ELAPOR2: variants seen among roughly 807,000 people sequenced by gnomAD.
ELAPOR2 encodes the protein endosome-lysosome associated apoptosis and autophagy regulator family member 2.
A neutral mutation model predicts 120.7 loss-of-function variants in ELAPOR2; 89 were observed. The observed-to-expected ratio is 0.74, with a 90% CI of 0.62 to 0.88. ELAPOR2 has a LOEUF of 0.88. Ranked by LOEUF, ELAPOR2 falls within the 40% of genes least tolerant of loss-of-function variation. ELAPOR2 has a pLI of 0.00. For synonymous variants in ELAPOR2, 444 were observed against 444.9 expected (o/e 1.00, Z 0.03); for missense variants, 1,134 against 1,251.6 (o/e 0.91, Z 1.42).
chr7:86,990,410 A>G (rs1004014189), intron 1 of ELAPOR2, among the ~76,000 whole-genome samples: 2 of 151,990 alleles, frequency 1.3e-5, no homozygotes, highest in Non-Finnish European at 2.9e-5. Flanking sequence ...ATAAGAGGAG[A>G]GACCTGAGTG....
chr7:87,052,515 G>C (rs752073202), intron 1 of ELAPOR2, among the ~76,000 whole-genome samples: 2 of 152,138 alleles, frequency 1.3e-5, no homozygotes. Context: ...TATACTGAGC[G>C]CAATGGTTCT....
intron 12 of ELAPOR2, 63 bp from the exon 13 acceptor site, chr7:86,914,923 T>C: frequency 8.0e-7 from 1 of 1,251,372 alleles, no homozygotes; most frequent in Admixed American, 2.2e-5. Context: ...TATACCTGTG[T>C]ATATATTACA....
At chr7:86,932,638 G>A (rs779120020) in intron 8 of ELAPOR2, among the ~76,000 whole-genome samples, 33 of 151,878 alleles carry the variant, frequency 2.2e-4, no homozygotes, top group Non-Finnish European at 4.1e-4. Flanking sequence ...GACAACTTTT[G>A]TGGATATGAT....
rs1165748645 is a variant in ELAPOR2, at chr7:86,968,946, TA to T, written c.190-3923del. On this transcript the variant is annotated intron_variant, in intron 1 of 21. Coordinates refer to ENST00000450689, the MANE Select transcript of ELAPOR2 (RefSeq NM_001142749.3). Reference sequence around the variant, plus strand: ...GGTGTGGAGACACTGCCCCAAATAATAAAACAATAAAATTCCCTATAAACCT... The same window carrying T: ...GGTGTGGAGACACTGCCCCAAATAATAAACAATAAAATTCCCTATAAACCT... Among the ~76,000 whole-genome samples, 6 of 152,154 alleles carry T rather than the reference TA, an allele frequency of 3.9e-5. No individual in the cohort carries two copies. In the East Asian group the frequency reaches 1.2e-3, roughly 29 times the overall value.
intron 10 of ELAPOR2, among the ~76,000 whole-genome samples, chr7:86,922,322 A>G (rs1789869342): frequency 6.6e-6 from 1 of 151,764 alleles, no homozygotes; most frequent in Non-Finnish European, 1.5e-5. Flanking sequence ...ATAAGAGTGA[A>G]TCTCATATTT....
intron 13 of ELAPOR2, 40 bp downstream of exon 13, chr7:86,914,683 A>G: frequency 6.4e-7 from 1 of 1,563,002 alleles, no homozygotes; most frequent in Non-Finnish European, 8.7e-7. Context: ...GGGCATCATT[A>G]GTGTGTTTAA....
At chr7:86,910,023 A>ACCTTTCTTTTAT in intron 15 of ELAPOR2, 22 bp from the exon 16 acceptor site, 1 of 1,584,636 alleles carries the variant, frequency 6.3e-7, no homozygotes, top group Non-Finnish European at 8.6e-7. Flanking sequence ...AAGTCATAAA[A>ACCTTTCTTTTAT]GAAAGGTTTT....
intron 1 of ELAPOR2, among the ~76,000 whole-genome samples, chr7:87,039,477 C>T (rs925802287): frequency 6.6e-6 from 1 of 152,158 alleles, no homozygotes; most frequent in Non-Finnish European, 1.5e-5. Context: ...AGGCCAATAT[C>T]TCTGACGAAT....
chr7:87,020,565 G>T (rs1480248564), intron 1 of ELAPOR2, among the ~76,000 whole-genome samples: 1 of 152,090 alleles, frequency 6.6e-6, no homozygotes, highest in East Asian at 1.9e-4. Context: ...GTCCAGAATA[G>T]ATAAATCACA....
intron 1 of ELAPOR2, among the ~76,000 whole-genome samples, chr7:87,033,778 A>C (rs1470802794): frequency 7.0e-6 from 1 of 142,094 alleles, no homozygotes; most frequent in Non-Finnish European, 1.5e-5. Context: ...AATCTGTACA[A>C]AAAAAATCAA....
intron 21 of ELAPOR2, among the ~76,000 whole-genome samples, chr7:86,882,133 C>A (rs1799442841): frequency 1.3e-5 from 2 of 152,212 alleles, no homozygotes; most frequent in African/African-American, 4.8e-5. Flanking sequence ...TCTGTGAGAA[C>A]TGGCCTGAGG....
At chr7:86,891,932 T>C in intron 20 of ELAPOR2, 43 bp from the exon 21 acceptor site, 2 of 1,247,026 alleles carry the variant, frequency 1.6e-6, no homozygotes, top group South Asian at 1.5e-5. Context: ...TATCCATTTA[T>C]GTTAATATAA....
intron 15 of ELAPOR2, among the ~76,000 whole-genome samples, chr7:86,910,330 CAT>C (rs1789241333): frequency 6.6e-6 from 1 of 152,068 alleles, no homozygotes; most frequent in African/African-American, 2.4e-5. Context: ...ATGTTCAATT[CAT>C]AGAGTAACAA....
intron 1 of ELAPOR2, among the ~76,000 whole-genome samples, chr7:87,005,695 G>A (rs1793449424): frequency 6.6e-6 from 1 of 152,098 alleles, no homozygotes; most frequent in Non-Finnish European, 1.5e-5. Flanking sequence ...TCAACAAATG[G>A]TGTTGGAACA....
chr7:87,040,240 C>A (rs376353780), intron 1 of ELAPOR2, among the ~76,000 whole-genome samples: 2 of 152,236 alleles, frequency 1.3e-5, no homozygotes, highest in South Asian at 4.1e-4. Flanking sequence ...ACAAAGCAGC[C>A]GGAAAGCTCG....
chr7:86,978,994 T>C (rs1388130597), intron 1 of ELAPOR2, among the ~76,000 whole-genome samples: 1 of 152,214 alleles, frequency 6.6e-6, no homozygotes, highest in African/African-American at 2.4e-5. Context: ...AAAAGAAACT[T>C]GTCACTAGCT....
chr7:87,008,003 G>A lies in ELAPOR2; in HGVS notation c.190-42979C>T, dbSNP rs571372438. On this transcript the variant is annotated intron_variant, in intron 1 of 21. Transcript: ENST00000450689. The stretch of plus-strand genomic sequence containing the variant: ...AGTGATCGAAAGTTTAATGAGGACC[G>A]GGATATTTATACAGTCTTACTATAT... Among the ~76,000 whole-genome samples the A allele has an allele frequency of 5.9e-5, 9 of 152,204 alleles. No individual in the cohort carries two copies. In the South Asian group the frequency reaches 1.7e-3, roughly 28 times the overall value.
chr7:86,896,902 G>A (rs186945966), intron 19 of ELAPOR2, among the ~76,000 whole-genome samples: 30 of 152,032 alleles, frequency 2.0e-4, no homozygotes, highest in African/African-American at 7.0e-4. Context: ...TCCTTCAGAC[G>A]TTTGCTACAG....
At chr7:87,023,558 G>T (rs970861150) in intron 1 of ELAPOR2, among the ~76,000 whole-genome samples, 3 of 152,004 alleles carry the variant, frequency 2.0e-5, no homozygotes, top group Non-Finnish European at 4.4e-5. Flanking sequence ...GCTCTTTTTT[G>T]GTTCCATATT....
Sources: gnomAD v4.1 joint callset for allele counts (sites outside exome capture counted in the v4.1 genomes callset) on GRCh38, gnomAD v4.1.1 for gene constraint, MANE v1.5 for transcripts, NCBI Gene and HGNC (gene_info 2026-07-23, HGNC 2026-07-21) for gene names.